The following RLIG1 variants were observed in gnomAD, a reference collection of about 807,000 sequenced individuals.
RLIG1 encodes RNA 5'-phosphate and 3'-OH ligase 1.
At chr12:88,036,395 T>A in the RLIG1 span, among the ~76,000 whole-genome samples, 23 of 152,348 alleles carry the variant, frequency 1.5e-4, no homozygotes, top group South Asian at 3.5e-3. Flanking sequence ...CCCCAGTGAT[T>A]AGTTGGGTGC....
At chr12:88,046,560 A>AC in the RLIG1 span, among the ~76,000 whole-genome samples, 1 of 152,004 alleles carries the variant, frequency 6.6e-6, no homozygotes, top group Non-Finnish European at 1.5e-5. Flanking sequence ...TTACAAAAAA[A>AC]GTATCTGTCC....
At chr12:88,048,173 T>C in the RLIG1 span, 3 of 1,318,756 alleles carry the variant, frequency 2.3e-6, no homozygotes, top group African/African-American at 4.6e-5. Context: ...CACTCAAATA[T>C]TTCTAAGTGA....
At chr12:88,042,986 A>G in the RLIG1 span, 1 of 879,720 alleles carries the variant, frequency 1.1e-6, no homozygotes, top group South Asian at 2.0e-5. Context: ...TTGCTGTGGT[A>G]TTTCTATACA....
the RLIG1 span, among the ~76,000 whole-genome samples, chr12:88,038,790 G>A: frequency 6.6e-6 from 1 of 152,196 alleles, no homozygotes; most frequent in African/African-American, 2.4e-5. Flanking sequence ...TTTAAAGTCT[G>A]TGATCTGTTA....
At chr12:88,038,493 CAA>C in the RLIG1 span, among the ~76,000 whole-genome samples, 1 of 152,220 alleles carries the variant, frequency 6.6e-6, no homozygotes, top group African/African-American at 2.4e-5. Flanking sequence ...AAGCCTAACT[CAA>C]GAGTCAAGAG....
At chr12:88,042,798 C>T in the RLIG1 span, 1 of 1,415,346 alleles carries the variant, frequency 7.1e-7, no homozygotes, top group Admixed American at 2.7e-5. Flanking sequence ...TTGCATCATA[C>T]TTTTCCTTTT....
chr12:88,047,943 T>C, the RLIG1 span, among the ~76,000 whole-genome samples: 1 of 152,150 alleles, frequency 6.6e-6, no homozygotes, highest in East Asian at 1.9e-4. Flanking sequence ...GGCTCTATGA[T>C]TCATAACATT....
chr12:88,040,239 C>A, the RLIG1 span: 2 of 1,595,222 alleles, frequency 1.3e-6, no homozygotes, highest in South Asian at 1.1e-5. Flanking sequence ...GTGGATGGAA[C>A]ATGTTGTTAT....
chr12:88,036,194 A>G, the RLIG1 span: 2 of 669,304 alleles, frequency 3.0e-6, no homozygotes, highest in East Asian at 6.7e-5. Flanking sequence ...TAGCCTAATT[A>G]GGTCACTGAA....
chr12:88,048,133 A>C, the RLIG1 span: 2 of 757,096 alleles, frequency 2.6e-6, no homozygotes, highest in Non-Finnish European at 1.9e-6. Context: ...GATAAAGTGG[A>C]GTCTTACCCA....
At chr12:88,035,740 TA>T in the RLIG1 span, 22 of 1,593,440 alleles carry the variant, frequency 1.4e-5, no homozygotes, top group Non-Finnish European at 1.8e-5. Context: ...GAGCATCAGG[TA>T]CGGAGGAGCG....
chr12:88,046,852 G>C, the RLIG1 span: 1 of 1,612,846 alleles, frequency 6.2e-7, no homozygotes, highest in African/African-American at 1.3e-5. Flanking sequence ...ATACCACATG[G>C]AGCATTTCAA....
the RLIG1 span, among the ~76,000 whole-genome samples, chr12:88,037,979 C>G: frequency 6.6e-6 from 1 of 151,984 alleles, no homozygotes; most frequent in Non-Finnish European, 1.5e-5. Context: ...AAACAGCTGA[C>G]TACTGATAAA....
chr12:88,042,717 CTTCT>C, the RLIG1 span: 2 of 615,560 alleles, frequency 3.2e-6, no homozygotes, highest in East Asian at 6.7e-5. Flanking sequence ...TTCCCTTTGT[CTTCT>C]TTGAGAAATT....
the RLIG1 span, among the ~76,000 whole-genome samples, chr12:88,036,383 A>T: frequency 6.6e-6 from 1 of 152,290 alleles, no homozygotes; most frequent in East Asian, 1.9e-4. Flanking sequence ...GATCAGTAGA[A>T]TCCCCAGTGA....
chr12:88,040,456 T>C, the RLIG1 span, among the ~76,000 whole-genome samples: 1 of 152,298 alleles, frequency 6.6e-6, no homozygotes, highest in South Asian at 2.1e-4. Flanking sequence ...AAAAGAAAGG[T>C]AACTAAAATA....
the RLIG1 span, among the ~76,000 whole-genome samples, chr12:88,037,227 A>T: frequency 2.1e-4 from 32 of 152,160 alleles, no homozygotes; most frequent in African/African-American, 7.0e-4. Context: ...TTTTCAAGTC[A>T]GTTCTTCTCC....
At chr12:88,048,297 GTTA>G in the RLIG1 span, 1 of 1,601,970 alleles carries the variant, frequency 6.2e-7, no homozygotes, top group Non-Finnish European at 8.5e-7. Flanking sequence ...TTCAAGACCA[GTTA>G]TTATCAACAT....
At chr12:88,049,034 T>A in the RLIG1 span, 1 of 441,704 alleles carries the variant, frequency 2.3e-6, no homozygotes, top group East Asian at 3.5e-5. Flanking sequence ...AAATTTCATA[T>A]AATTTTATTT....
Sources: allele counts gnomAD v4.1 joint callset (sites outside exome capture counted in the v4.1 genomes callset), GRCh38; gene constraint gnomAD v4.1.1; transcripts MANE v1.5; gene names NCBI Gene and HGNC (gene_info 2026-07-23, HGNC 2026-07-21).